CACNA2D4: variants seen among roughly 807,000 people sequenced by gnomAD.
CACNA2D4 encodes the protein calcium voltage-gated channel auxiliary subunit alpha2delta 4.
A neutral mutation model predicts 163.8 loss-of-function variants in CACNA2D4; 157 were observed. That is an observed-to-expected ratio of 0.96 (90% CI 0.84 to 1.09). CACNA2D4 has a LOEUF of 1.09. CACNA2D4 is among the 50% of genes least tolerant of loss of function. The pLI is 0.00. For missense variants in CACNA2D4, 1,410 were observed against 1,479.9 expected (o/e 0.95, Z 0.78); for synonymous variants, 598 against 586.9 (o/e 1.02, Z -0.27).
chr12:1,810,678 G>A lies in CACNA2D4; in HGVS notation c.2614-91C>T, dbSNP rs1015344425. ...GGAATGCTGTGTGTGTGGTACGTCT[G>A]CAGTGTGTGTGCATGTGTGCATGGG... On this transcript the variant is annotated intron_variant, in intron 27 of 37. Coordinates refer to ENST00000382722, the MANE Select transcript of CACNA2D4 (RefSeq NM_172364.5). The A allele has an allele frequency of 1.1e-5, 14 of 1,309,752 alleles. No homozygotes were observed. The African/African-American group carries it at 1.9e-4, about 18-fold the overall frequency. The allele number at this position is 1,309,752 out of a possible 1,614,324, so 81.1% of individuals were successfully genotyped here.
intron 34 of CACNA2D4, chr12:1,797,800 C>G (rs957863671): frequency 1.1e-5 from 6 of 543,886 alleles, no homozygotes; most frequent in Non-Finnish European, 2.0e-5. Flanking sequence ...TCTGGGGAGC[C>G]TGGCCCTCAC....
intron 6 of CACNA2D4, among the ~76,000 whole-genome samples, chr12:1,898,976 T>C (rs986539105): frequency 5.9e-5 from 9 of 152,090 alleles, no homozygotes; most frequent in African/African-American, 2.2e-4. Context: ...TTTTGCAAGA[T>C]AAAAAGAGTT....
Position 1,794,972 on chromosome 12 carries a change from T to C in CACNA2D4, c.3309+327A>G, listed in dbSNP as rs139625787. ...TCTAATTAGCATACAAAGATACCTC[T>C]ATCATTCCAAGGGTCTTAGAGGCAC... is the stretch of plus-strand genomic sequence containing the variant. On this transcript the variant is annotated intron_variant, in intron 37 of 37. Transcript: ENST00000382722. 246 of 476,984 alleles carry C rather than the reference T, an allele frequency of 5.2e-4. 1 individual carries two copies. In the East Asian group the frequency reaches 7.5e-3, roughly 15 times the overall value. 29.5% of individuals were successfully genotyped at this position (476,984 alleles called of 1,614,324 possible).
Position 1,828,252 on chromosome 12 carries a change from T to G in CACNA2D4, c.2551+12487A>C, listed in dbSNP as rs1444052974. ...CCTGGCCTCGGAGGGGGGTGCGGGT[T>G]GGGTGGGGGTGCCGAGGTGACTGTA... On this transcript the variant is annotated intron_variant, in intron 26 of 37. Coordinates refer to ENST00000382722, the MANE Select transcript of CACNA2D4 (RefSeq NM_172364.5). This position sits in a 1 kb window ranked among gnomAD's most constrained non-coding sequence, Gnocchi z 4.2. 3 of 1,492,226 alleles carry G rather than the reference T, an allele frequency of 2.0e-6. No individual in the cohort carries two copies. The highest frequency in any genetic ancestry group is 2.7e-6 in the Non-Finnish European group (3 of 1,106,950). 92.4% of individuals were successfully genotyped at this position (1,492,226 alleles called of 1,614,324 possible). A position where few individuals can be genotyped will look rare whatever the true frequency, so the allele number is the denominator to read the frequency against.
chr12:1,796,656 G>A (rs978972581), intron 35 of CACNA2D4, among the ~76,000 whole-genome samples: 1 of 152,234 alleles, frequency 6.6e-6, no homozygotes, highest in Non-Finnish European at 1.5e-5. Flanking sequence ...CGCAGGGAGT[G>A]GGGGAGAAGG....
intron 6 of CACNA2D4, among the ~76,000 whole-genome samples, chr12:1,896,604 TAAACACACAC>T (rs1476993993): frequency 9.7e-6 from 1 of 103,320 alleles, no homozygotes; most frequent in Non-Finnish European, 1.9e-5. Flanking sequence ...TAGCTATTAA[TAAACACACAC>T]ACACACACAC....
In CACNA2D4 at chr12:1,820,833, GT is replaced by G. The variant is rs1174085444; in HGVS notation, c.2552-9111del. ...AAGACGGGTGAGTACCGAGTGGCTG[GT>G]AGGAAGGAATGGAGGGTTGGTGGGG... On this transcript the variant is annotated intron_variant, in intron 26 of 37. Transcript: ENST00000382722. The surrounding 1 kb of genome is among the most constrained non-coding windows in gnomAD (Gnocchi z 6.0). 2.0e-5 allele frequency: 3 copies of G among 152,350 alleles called. No homozygotes were observed. Among genetic ancestry groups the G allele is most frequent in the African/African-American group, 7.2e-5 (3 of 41,464 alleles). The allele number at this position is 152,350 out of a possible 1,614,324, so 9.4% of individuals were successfully genotyped here. A position where few individuals can be genotyped will look rare whatever the true frequency, so the allele number is the denominator to read the frequency against.
At chr12:1,813,267 C>T (rs562344226) in intron 26 of CACNA2D4, among the ~76,000 whole-genome samples, 12 of 152,266 alleles carry the variant, frequency 7.9e-5, no homozygotes, top group Non-Finnish European at 1.5e-4. Context: ...GTTAGAACCC[C>T]GCCCCCAGAG....
chr12:1,811,543 CG>C, intron 27 of CACNA2D4, 118 bp downstream of exon 27: 2 of 1,035,900 alleles, frequency 1.9e-6, no homozygotes. Flanking sequence ...GTGTAGGGGC[CG>C]GGAGGGCATC....
At chr12:1,864,040 C>A (rs1315296677) in intron 18 of CACNA2D4, among the ~76,000 whole-genome samples, 1 of 152,256 alleles carries the variant, frequency 6.6e-6, no homozygotes, top group Non-Finnish European at 1.5e-5. Flanking sequence ...CCGGGCCCAT[C>A]CCGTCCAAAG....
At chr12:1,814,460 C>G (rs76603393) in intron 26 of CACNA2D4, among the ~76,000 whole-genome samples, 3 of 152,140 alleles carry the variant, frequency 2.0e-5, no homozygotes, top group African/African-American at 7.2e-5. Flanking sequence ...CTAATGAGTG[C>G]GTTTTACAAT....
intron 3 of CACNA2D4, 44 bp downstream of exon 3, chr12:1,912,979 T>C: frequency 3.1e-6 from 4 of 1,288,338 alleles, no homozygotes; most frequent in South Asian, 1.2e-5. Context: ...ACCTGCGTCA[T>C]GGGGCTGGGG....
intron 26 of CACNA2D4, among the ~76,000 whole-genome samples, chr12:1,819,575 A>G (rs1489791940): frequency 1.3e-5 from 2 of 152,098 alleles, no homozygotes; most frequent in African/African-American, 2.4e-5. Context: ...AGGAAGGGGG[A>G]TTTAGGGTTC....
At chr12:1,880,936 C>G (rs1865980751) in intron 13 of CACNA2D4, among the ~76,000 whole-genome samples, 1 of 152,152 alleles carries the variant, frequency 6.6e-6, no homozygotes, top group South Asian at 2.1e-4. Context: ...GGCCTGCTCT[C>G]CCTAGGACAT....
chr12:1,797,574 C>T (rs1240647932), intron 34 of CACNA2D4, 39 bp from the exon 35 acceptor site: 1 of 1,478,354 alleles, frequency 6.8e-7, no homozygotes, highest in Non-Finnish European at 9.2e-7. Flanking sequence ...CCGAAGGGGC[C>T]TCTGGCCTGC....
chr12:1,830,860 G>C (rs569110215), intron 26 of CACNA2D4: 6 of 1,262,572 alleles, frequency 4.8e-6, no homozygotes, highest in African/African-American at 4.5e-5. Flanking sequence ...TTATGAGCTA[G>C]AAAGGAGGGA....
At chr12:1,877,916 A>G (rs748538110) in intron 16 of CACNA2D4, among the ~76,000 whole-genome samples, 10 of 152,246 alleles carry the variant, frequency 6.6e-5, no homozygotes, top group Non-Finnish European at 1.5e-4. Context: ...AGGAGCACTC[A>G]GGAATGCATC....
chr12:1,862,288 T>C (rs1199128493), intron 18 of CACNA2D4, among the ~76,000 whole-genome samples: 1 of 152,220 alleles, frequency 6.6e-6, no homozygotes, highest in African/African-American at 2.4e-5. Context: ...ATAAGACAAC[T>C]GCCAATTTCC....
chr12:1,819,806 C>T (rs891888431), intron 26 of CACNA2D4, among the ~76,000 whole-genome samples: 3 of 152,204 alleles, frequency 2.0e-5, no homozygotes, highest in Non-Finnish European at 4.4e-5. Flanking sequence ...AAGCCAAGCT[C>T]GTCCCTGGCA....
Sources: allele counts gnomAD v4.1 joint callset (sites outside exome capture counted in the v4.1 genomes callset), GRCh38; gene constraint gnomAD v4.1.1; non-coding constraint Gnocchi (gnomAD v3.1); transcripts MANE v1.5; gene names NCBI Gene and HGNC (gene_info 2026-07-23, HGNC 2026-07-21).